The following RPS26 variants were observed in gnomAD, a reference collection of about 807,000 sequenced individuals.
RPS26 encodes ribosomal protein S26, also known as small ribosomal subunit protein eS26.
In RPS26, 1 loss-of-function variant was observed where a neutral mutation model predicts 14.7. The observed-to-expected ratio is 0.07, with a 90% confidence interval of 0.02 to 0.32. RPS26 has a LOEUF of 0.32. Among genes scored for constraint, RPS26 ranks in the 10% least tolerant of loss-of-function variants. The probability of loss-of-function intolerance (pLI) is 1.00; values close to 1 mark genes in which losing one functional copy is unlikely to be tolerated. For synonymous variants in RPS26, 59 were observed against 53.1 expected, an observed-to-expected ratio of 1.11 and a Z score of -0.48; for missense variants, 63 against 157.7, an observed-to-expected ratio of 0.40 and a Z score of 3.22.
chr12:56,042,734 T>C, intron 2 of RPS26, 132 bp downstream of exon 2: 1 of 773,858 alleles, frequency 1.3e-6, no homozygotes, highest in East Asian at 2.6e-5. Flanking sequence ...TTGTTACTGG[T>C]AGAAGAGAAT....
chr12:56,043,844 G>A (rs557814790), intron 3 of RPS26, among the ~76,000 whole-genome samples: 3 of 151,952 alleles, frequency 2.0e-5, no homozygotes, highest in African/African-American at 7.2e-5. Flanking sequence ...CTCCTGTGGT[G>A]CAGGGGGTAT....
chr12:56,042,785 G>T, intron 2 of RPS26, 183 bp downstream of exon 2: 1 of 680,598 alleles, frequency 1.5e-6, no homozygotes, highest in Non-Finnish European at 2.6e-6. Flanking sequence ...GGCAGAGGGT[G>T]ACTTTGTGAT....
In RPS26 at chr12:56,044,400, G is replaced by A; in HGVS notation, c.*246G>A. On this transcript the variant is annotated 3_prime_UTR_variant, in exon 4 of 4. Transcript: ENST00000646449. Reference sequence around the variant, plus strand: ...TCTTTGTCGCCCAAGCTGAATTGCAGTGGCGTGATCTCAGCTCACTGCAAC... The same window carrying A: ...TCTTTGTCGCCCAAGCTGAATTGCAATGGCGTGATCTCAGCTCACTGCAAC... 2 of 450,336 alleles carry A rather than the reference G, an allele frequency of 4.4e-6. No homozygotes were observed. Among genetic ancestry groups the A allele is most frequent in the Non-Finnish European group, 3.8e-6 (1 of 263,288 alleles). The allele number at this position is 450,336 out of a possible 1,614,324, so 27.9% of individuals were successfully genotyped here. A position where few individuals can be genotyped will look rare whatever the true frequency, so the allele number is the denominator to read the frequency against.
At chr12:56,043,997 C>A in intron 3 of RPS26, 122 bp from the exon 4 acceptor site, 1 of 863,752 alleles carries the variant, frequency 1.2e-6, no homozygotes, top group Non-Finnish European at 2.0e-6. Context: ...CCTCTATCAG[C>A]TTCCCATGCA....
chr12:56,043,623 A>T, intron 3 of RPS26, 130 bp downstream of exon 3: 1 of 889,294 alleles, frequency 1.1e-6, no homozygotes, highest in Non-Finnish European at 1.8e-6. Flanking sequence ...GCTAGAAACC[A>T]GCAGTTCAAG....
chr12:56,042,682 C>G (rs868706372), intron 2 of RPS26, 80 bp downstream of exon 2: 7 of 1,217,958 alleles, frequency 5.7e-6, no homozygotes, highest in African/African-American at 4.4e-5. Context: ...TTTGGAGGCT[C>G]TGTTCTTTGG....
In RPS26 at chr12:56,042,128, G is replaced by T; in HGVS notation, c.-39G>T. The stretch of plus-strand genomic sequence containing the variant: ...ATCTCATGCTATATAGGAGGGCCCT[G>T]CCAGGCACCGTCTCCTCTCTCCGGT... On this transcript the variant is annotated 5_prime_UTR_variant, in exon 1 of 4. Transcript: ENST00000646449. 1.9e-5 allele frequency: 30 copies of T among 1,612,862 alleles called. No homozygotes were observed. The highest frequency in any genetic ancestry group is 2.5e-5 in the Non-Finnish European group (29 of 1,178,868).
In RPS26 at chr12:56,043,580, C is replaced by T; in HGVS notation, c.312+87C>T. ...GGTCAGGGTGTCCTATACCTGTAAC[C>T]TCAACACTTTGGGAGGCTGGGACAA... On this transcript the variant is annotated intron_variant, in intron 3 of 3. Coordinates refer to ENST00000646449, the MANE Select transcript of RPS26 (RefSeq NM_001029.5). 2.2e-6 allele frequency: 3 copies of T among 1,362,870 alleles called. No individual in the cohort carries two copies. The South Asian group carries it at 3.5e-5, about 16-fold the overall frequency. 84.4% of individuals were successfully genotyped at this position (1,362,870 alleles called of 1,614,324 possible).
rs201191387 is a variant in RPS26, at chr12:56,042,612, T to G, written c.181+10T>G. 1.6e-5 allele frequency: 26 copies of G among 1,597,324 alleles called. No individual in the cohort carries two copies. The East Asian group carries it at 4.5e-4, about 27-fold the overall frequency. On this transcript the variant is annotated intron_variant, in intron 2 of 3. Transcript: ENST00000646449. Reference sequence around the variant, plus strand: ...GCGAGCGTCTTCGATGGTAAGTGGGTCACCGGCGCGAACTGTGTGAGGATC... The same window carrying G: ...GCGAGCGTCTTCGATGGTAAGTGGGGCACCGGCGCGAACTGTGTGAGGATC...
At position 56,044,139 on chromosome 12, in the gene RPS26, A is replaced by C. The variant is rs1179423823; in HGVS notation, c.333A>C (p.Pro111=). ...TTCAGGGTGCTGCCCCACGTCCCCC[A>C]CCAAAGCCCATGTAAGGAGCTGAGT... The part of the protein sequence containing the change: ...FRPAGAAPRP[P]PKPM The change falls in exon 4 of 4, where the codon CCA becomes CCC. Residue 111 remains proline (P), a synonymous_variant. Transcript: ENST00000646449. 2 of 1,613,112 alleles carry C rather than the reference A, an allele frequency of 1.2e-6. No homozygotes were observed. Among genetic ancestry groups the C allele is most frequent in the African/African-American group, 2.7e-5 (2 of 74,802 alleles).
intron 2 of RPS26, 34 bp downstream of exon 2, chr12:56,042,636 TC>T: frequency 6.3e-7 from 1 of 1,576,242 alleles, no homozygotes; most frequent in Non-Finnish European, 8.6e-7. Context: ...TGTGTGAGGA[TC>T]CCAGTATCTT....
intron 1 of RPS26, 64 bp from the exon 2 acceptor site, chr12:56,042,361 C>T (rs1895899227): frequency 4.4e-6 from 7 of 1,574,508 alleles, no homozygotes; most frequent in South Asian, 1.1e-5. Flanking sequence ...GGCTTGTGGC[C>T]GGAAAGGGAC....
At position 56,044,348 on chromosome 12, in the gene RPS26, T is replaced by TTC. The variant is rs1555208659; in HGVS notation, c.*195_*196insCT. ...ATTCATGTAATTTAATTTTTTTCTT[T>TTC]TTTTTTTTTTTTTTTTTGAGACGGA... On this transcript the variant is annotated 3_prime_UTR_variant, in exon 4 of 4. Transcript: ENST00000646449. The TTC allele has an allele frequency of 7.0e-6, 2 of 283,968 alleles. No individual in the cohort carries two copies. The highest frequency in any genetic ancestry group is 1.2e-5 in the Non-Finnish European group (2 of 163,788). The allele number at this position is 283,968 out of a possible 1,614,324, so 17.6% of individuals were successfully genotyped here. A position where few individuals can be genotyped will look rare whatever the true frequency, so the allele number is the denominator to read the frequency against.
At chr12:56,043,310 A>C in intron 2 of RPS26, 53 bp from the exon 3 acceptor site, 1 of 1,578,438 alleles carries the variant, frequency 6.3e-7, no homozygotes. Flanking sequence ...TCATGTAACA[A>C]AAAAGCAAGG....
chr12:56,042,508 C>T lies in RPS26; in HGVS notation c.87C>T (p.Cys29=), dbSNP rs1188548354. 2.5e-6 allele frequency: 4 copies of T among 1,602,076 alleles called. No homozygotes were observed. The South Asian group carries it at 3.3e-5, about 13-fold the overall frequency. Residue 29 remains cysteine, a synonymous_variant, in exon 2 of 4, where the codon TGC becomes TGT. Coordinates refer to ENST00000646449, the MANE Select transcript of RPS26 (RefSeq NM_001029.5). ...TTCGCTGCACTAACTGTGCCCGATG[C>T]GTGCCCAAGGACAAGGCCATTAAGA... is the stretch of plus-strand genomic sequence containing the variant. ...QPIRCTNCAR[C]VPKDKAIKKF... is the part of the protein sequence containing the mutation.
Position 56,042,538 on chromosome 12 carries a change from C to T in RPS26, c.117C>T (p.Phe39=). 2 of 1,600,658 alleles carry T rather than the reference C, an allele frequency of 1.2e-6. No homozygotes were observed. Among genetic ancestry groups the T allele is most frequent in the Non-Finnish European group, 1.7e-6 (2 of 1,178,384 alleles). ...CVPKDKAIKK[F]VIRNIVEAAA... ...CCAAGGACAAGGCCATTAAGAAATT[C>T]GTCATTCGAAACATAGTGGAGGCCG... The change falls in exon 2 of 4, where the codon TTC becomes TTT. Residue 39 remains phenylalanine, a synonymous_variant. Transcript: ENST00000646449.
At position 56,043,990 on chromosome 12, in the gene RPS26, C is replaced by G. The variant is rs1895929589; in HGVS notation, c.313-129C>G. On this transcript the variant is annotated intron_variant, in intron 3 of 3. Transcript: ENST00000646449. The stretch of plus-strand genomic sequence containing the variant: ...GCAGAGTAGTGTTCTCCCTCCACCT[C>G]TATCAGCTTCCCATGCATTTGTAGC... 4.5e-5 allele frequency: 38 copies of G among 839,932 alleles called. No homozygotes were observed. The South Asian group carries it at 4.8e-4, about 11-fold the overall frequency. 52.0% of individuals were successfully genotyped at this position (839,932 alleles called of 1,614,324 possible).
intron 3 of RPS26, among the ~76,000 whole-genome samples, chr12:56,043,901 C>T (rs1018627177): frequency 6.6e-6 from 1 of 151,830 alleles, no homozygotes; most frequent in African/African-American, 2.4e-5. Flanking sequence ...CAGGTGAGAC[C>T]CACACCTGAA....
chr12:56,042,333 C>T (rs1225116205), intron 1 of RPS26, 92 bp from the exon 2 acceptor site: 3 of 1,539,476 alleles, frequency 1.9e-6, no homozygotes, highest in South Asian at 1.1e-5. Context: ...GCGGCGCCTT[C>T]CTGGAGGCTG....
Sources: gnomAD v4.1 joint callset for allele counts (sites outside exome capture counted in the v4.1 genomes callset) on GRCh38, gnomAD v4.1.1 for gene constraint, MANE v1.5 for transcripts, NCBI Gene and HGNC (gene_info 2026-07-23, HGNC 2026-07-21) for gene names.